TIAM2: variants seen among roughly 807,000 people sequenced by gnomAD.
TIAM2 encodes rho guanine nucleotide exchange factor TIAM2.
In TIAM2, 80 loss-of-function variants were observed where a neutral mutation model predicts 152.9. The observed-to-expected ratio is 0.52, with a 90% CI of 0.44 to 0.63. TIAM2 has a LOEUF of 0.63. Among genes scored for constraint, TIAM2 ranks in the 30% least tolerant of loss-of-function variants. TIAM2 has a pLI of 0.00. For missense variants in TIAM2, 1,965 were observed against 2,120.1 expected, an observed-to-expected ratio of 0.93 and a Z score of 1.44; for synonymous variants, 804 against 838.0, an observed-to-expected ratio of 0.96 and a Z score of 0.70.
At chr6:155,197,803 C>A (rs1225746000) in intron 14 of TIAM2, among the ~76,000 whole-genome samples, 1 of 152,120 alleles carries the variant, frequency 6.6e-6, no homozygotes, top group Non-Finnish European at 1.5e-5. Context: ...ATGGAAGTAA[C>A]CATGCCCAAG....
intron 2 of TIAM2, among the ~76,000 whole-genome samples, chr6:155,109,836 C>T (rs1247836021): frequency 2.0e-5 from 3 of 152,080 alleles, no homozygotes; most frequent in Non-Finnish European, 4.4e-5. Flanking sequence ...CTTACTCTAC[C>T]TGTTCCTTAA....
chr6:155,198,454 G>C (rs563017207), intron 14 of TIAM2, among the ~76,000 whole-genome samples: 6 of 152,254 alleles, frequency 3.9e-5, no homozygotes, highest in African/African-American at 1.4e-4. Context: ...CCTGAGGTCA[G>C]GAGTTCGAGA....
rs114239511 is a variant in TIAM2, at chr6:155,256,580, G to C, written c.4565G>C (p.Ser1522Thr). 16,796 of 1,614,180 alleles carry C rather than the reference G, an allele frequency of 0.01. 302 individuals carry two copies. The highest frequency in any genetic ancestry group is 0.051 in the African/African-American group (3,832 of 75,042). The stretch of plus-strand genomic sequence containing the variant: ...ACCTTGCTGGACTCTGACGAGGGCA[G>C]CTTGAGCAGCGGCACCCAGAGCAGC... ...KGTLLDSDEGSLSSGTQSSGC... is the reference protein window; with the variant it reads ...KGTLLDSDEGTLSSGTQSSGC... Residue 1522 changes from serine (S) to threonine (T), a missense_variant, in exon 27 of 27, where the codon AGC becomes ACC. By Grantham distance (58) the Ser-to-Thr change is moderately conservative (BLOSUM62 1). This residue lies in a region of TIAM2 where 935 missense variants were observed against 980.0 expected (regional missense o/e 0.95). Coordinates refer to ENST00000682666, the MANE Select transcript of TIAM2 (RefSeq NM_012454.4).
rs1398744912 is a variant in TIAM2, at chr6:155,097,771, G to A, written c.-118+7392G>A. On this transcript the variant is annotated intron_variant, in intron 2 of 26. Transcript: ENST00000682666. ...AAGCATTTCCCAAATGTTTTCTTCT[G>A]GCCGTTTCATATTTTCAGGTCTTAG... Among the ~76,000 whole-genome samples the A allele has an allele frequency of 7.9e-5, 12 of 152,196 alleles. No homozygotes were observed. The East Asian group carries it at 2.3e-3, about 29-fold the overall frequency.
chr6:155,121,742 G>A (rs2115024134), intron 2 of TIAM2, among the ~76,000 whole-genome samples: 1 of 152,284 alleles, frequency 6.6e-6, no homozygotes, highest in African/African-American at 2.4e-5. Flanking sequence ...GGAGCGACGT[G>A]AAGCCTGTTG....
chr6:155,121,286 TATC>T (rs1316711671), intron 2 of TIAM2, among the ~76,000 whole-genome samples: 1 of 152,196 alleles, frequency 6.6e-6, no homozygotes, highest in Non-Finnish European at 1.5e-5. Context: ...TGAGATCTGA[TATC>T]ATAACATACA....
At chr6:155,120,845 A>T (rs557544717) in intron 2 of TIAM2, among the ~76,000 whole-genome samples, 1 of 152,224 alleles carries the variant, frequency 6.6e-6, no homozygotes, top group East Asian at 1.9e-4. Flanking sequence ...ATTCCCAGAC[A>T]TGCCAAATGT....
chr6:155,143,615 T>C (rs1779760351), intron 5 of TIAM2, among the ~76,000 whole-genome samples: 1 of 152,188 alleles, frequency 6.6e-6, no homozygotes, highest in African/African-American at 2.4e-5. Flanking sequence ...CCCCTAGGTA[T>C]GTTCAGTTTC....
intron 1 of TIAM2, among the ~76,000 whole-genome samples, chr6:155,009,090 TC>T (rs1440071488): frequency 7.1e-5 from 8 of 112,258 alleles, no homozygotes; most frequent in Non-Finnish European, 1.2e-4. Context: ...ACTCAGAAGA[TC>T]TTTTTTTTTT....
At chr6:155,168,720 A>C in intron 9 of TIAM2, 2 of 778,810 alleles carry the variant, frequency 2.6e-6, no homozygotes, top group Non-Finnish European at 3.9e-6. Context: ...ATAATGATAC[A>C]AATTGTGATA....
chr6:155,188,041 T>G (rs527550391), intron 14 of TIAM2, among the ~76,000 whole-genome samples: 1 of 152,308 alleles, frequency 6.6e-6, no homozygotes, highest in African/African-American at 2.4e-5. Context: ...CAGTAGGACT[T>G]ACTGTTTCCT....
chr6:155,005,133 C>A, intron 1 of TIAM2: 1 of 234,578 alleles, frequency 4.3e-6, no homozygotes, highest in Non-Finnish European at 9.1e-6. Flanking sequence ...CTCCAATTAG[C>A]CTGGCAGCCT....
intron 15 of TIAM2, among the ~76,000 whole-genome samples, chr6:155,215,055 G>A (rs1249141007): frequency 6.6e-6 from 1 of 152,164 alleles, no homozygotes; most frequent in Non-Finnish European, 1.5e-5. Context: ...TAGCTTGGGG[G>A]ACTCTCACTT....
At chr6:155,183,888 GT>G (rs1246625749) in intron 14 of TIAM2, among the ~76,000 whole-genome samples, 1 of 152,182 alleles carries the variant, frequency 6.6e-6, no homozygotes, top group Admixed American at 6.5e-5. Flanking sequence ...GCAGTCTTCT[GT>G]TGGGCTCTTA....
chr6:155,028,602 G>GTTATATATACTACATATAATATATATAC (rs1583158164), intron 1 of TIAM2, among the ~76,000 whole-genome samples: 2 of 124,196 alleles, frequency 1.6e-5, no homozygotes, highest in Admixed American at 8.6e-5. Context: ...TATATATACT[G>GTTATATATACTACATATAATATATATAC]TGTTATATAT....
At chr6:155,175,758 T>C (rs1471675111) in intron 9 of TIAM2, among the ~76,000 whole-genome samples, 1 of 152,212 alleles carries the variant, frequency 6.6e-6, no homozygotes, top group African/African-American at 2.4e-5. Flanking sequence ...ATGCTATTTT[T>C]GTTATGAATT....
At chr6:155,164,152 T>TTTTTTTTTTTTTTTTTTG (rs1252949347) in intron 7 of TIAM2, among the ~76,000 whole-genome samples, 1 of 147,942 alleles carries the variant, frequency 6.8e-6, no homozygotes, top group African/African-American at 2.5e-5. Context: ...TTTTCTTTTT[T>TTTTTTTTTTTTTTTTTTG]TTAGTAGAGA....
intron 1 of TIAM2, among the ~76,000 whole-genome samples, chr6:155,031,135 C>T (rs549777365): frequency 2.6e-5 from 4 of 152,262 alleles, no homozygotes; most frequent in Admixed American, 1.3e-4. Flanking sequence ...CTGAAAATTC[C>T]AATGTGAACA....
chr6:155,062,702 C>T (rs545109150), intron 1 of TIAM2, among the ~76,000 whole-genome samples: 29 of 151,948 alleles, frequency 1.9e-4, no homozygotes, highest in Non-Finnish European at 4.0e-4. Context: ...CCTCAGCCTC[C>T]CGAGTAGTTG....
Sources: allele counts gnomAD v4.1 joint callset (sites outside exome capture counted in the v4.1 genomes callset), GRCh38; gene constraint gnomAD v4.1.1; regional missense constraint gnomAD v4.1.1; transcripts MANE v1.5; gene names NCBI Gene and HGNC (gene_info 2026-07-23, HGNC 2026-07-21).